The following FANCA variants were observed in gnomAD, a reference collection of about 807,000 sequenced individuals.
FANCA encodes Fanconi anemia group A protein.
A neutral mutation model predicts 194.3 loss-of-function variants in FANCA; 236 were observed. The ratio of observed to expected loss-of-function variants is 1.21; its 90% CI spans 1.09 to 1.35. FANCA has a LOEUF of 1.35. Ranked by LOEUF, FANCA falls within the 40% of genes most tolerant of loss-of-function variation. The pLI is 0.00. For synonymous variants in FANCA, 1,014 were observed against 715.8 expected (o/e 1.42, Z -6.65); for missense variants, 2,628 against 1,813.9 (o/e 1.45, Z -8.15).
chr16:89,747,087 C>T (rs1407331839), intron 33 of FANCA, among the ~76,000 whole-genome samples, 197 bp from the exon 34 acceptor site: 3 of 152,174 alleles, frequency 2.0e-5, no homozygotes, highest in Non-Finnish European at 2.9e-5. Context: ...CTTCCCTGGG[C>T]GGCCAGATCC....
At position 89,765,031 on chromosome 16, in the gene FANCA, G is replaced by A. The variant is rs149435806; in HGVS notation, c.2637C>T (p.Ala879=). 435 of 1,614,122 alleles carry A rather than the reference G, an allele frequency of 2.7e-4. No homozygotes were observed. Among genetic ancestry groups the A allele is most frequent in the Non-Finnish European group, 2.4e-4 (285 of 1,180,048 alleles). ...QFLMFRLFSE[A]RQPLSEEDVA... ...CGTCCTCCTCAGAAAGAGGCTGTCG[G>A]GCCTCTGAGAACAATCTGAACATGA... is the stretch of plus-strand genomic sequence containing the variant. The change falls in exon 28 of 43, where the codon GCC becomes GCT. Residue 879 remains alanine (A), a synonymous_variant. Coordinates refer to ENST00000389301, the MANE Select transcript of FANCA (RefSeq NM_000135.4).
At chr16:89,781,231 G>C (rs2039689098) in intron 17 of FANCA, among the ~76,000 whole-genome samples, 1 of 151,198 alleles carries the variant, frequency 6.6e-6, no homozygotes, top group Non-Finnish European at 1.5e-5. Flanking sequence ...TGACGTGGTG[G>C]CGGGTGCCTG....
rs1598055304 is a variant in FANCA, at chr16:89,740,020, A to G, written c.3908T>C (p.Leu1303Pro). The G allele has an allele frequency of 1.9e-6, 3 of 1,614,182 alleles. No homozygotes were observed. The highest frequency in any genetic ancestry group is 2.5e-6 in the Non-Finnish European group (3 of 1,180,028). Reference sequence around the variant, plus strand: ...ACTCTCTGTCAACTGAAAGAGTGCCAGCCAGGATATCTTCCTCTTCTCTAA... The same window carrying G: ...ACTCTCTGTCAACTGAAAGAGTGCCGGCCAGGATATCTTCCTCTTCTCTAA... ...ECLEKRKISW[L>P]ALFQLTESDL... is the part of the protein sequence containing the mutation. Residue 1303 changes from leucine (L) to proline (P), a missense_variant, in exon 39 of 43, where the codon CTG becomes CCG. By Grantham distance (98) the Leu-to-Pro change is moderately conservative. Coordinates refer to ENST00000389301, the MANE Select transcript of FANCA (RefSeq NM_000135.4).
chr16:89,778,703 T>TC, intron 20 of FANCA, 98 bp downstream of exon 20: 1 of 962,672 alleles, frequency 1.0e-6, no homozygotes, highest in Non-Finnish European at 1.6e-6. Context: ...TAAAACACAA[T>TC]AGTGGTCTAA....
chr16:89,798,959 C>G, intron 10 of FANCA: 1 of 1,612,424 alleles, frequency 6.2e-7, no homozygotes, highest in Non-Finnish European at 8.5e-7. Context: ...ACCTTCCGAC[C>G]TCATCCTCAC....
intron 30 of FANCA, among the ~76,000 whole-genome samples, chr16:89,755,033 A>G (rs1379546579): frequency 2.7e-4 from 41 of 152,196 alleles, no homozygotes; most frequent in Admixed American, 2.6e-3. Flanking sequence ...GTGCATATGG[A>G]CATACAGACC....
chr16:89,788,692 C>A (rs62052711), intron 14 of FANCA, among the ~76,000 whole-genome samples: 8,978 of 152,046 alleles, frequency 0.059, 409 homozygotes, highest in East Asian at 0.21. Context: ...CCCAGTTACT[C>A]TGGAAGCGGA....
chr16:89,778,881 T>G, intron 19 of FANCA, 31 bp from the exon 20 acceptor site: 1 of 1,613,798 alleles, frequency 6.2e-7, no homozygotes, highest in South Asian at 1.1e-5. Context: ...TGTGAGAGAC[T>G]GACAAGGAAA....
chr16:89,791,580 C>T, intron 13 of FANCA, 44 bp from the exon 14 acceptor site: 3 of 1,611,922 alleles, frequency 1.9e-6, no homozygotes, highest in Non-Finnish European at 1.7e-6. Flanking sequence ...CAAGGGCAGC[C>T]AGCAGGAACA....
In FANCA at chr16:89,742,798, G is replaced by A. The variant is rs776827467; in HGVS notation, c.3765+2C>T. 2 of 1,613,278 alleles carry A rather than the reference G, an allele frequency of 1.2e-6. No homozygotes were observed. The highest frequency in any genetic ancestry group is 1.3e-5 in the African/African-American group (1 of 74,920). On this transcript the variant is annotated splice_donor_variant, in intron 37 of 42. Transcript: ENST00000389301. LOFTEE classifies it low-confidence loss of function (GC_TO_GT_DONOR). Reference sequence around the variant, plus strand: ...AATCAGTAAAAGAATTTCCTATCTTGCCTCCTCTCTCTCGCAGTCCAGCTT... The same window carrying A: ...AATCAGTAAAAGAATTTCCTATCTTACCTCCTCTCTCTCGCAGTCCAGCTT...
chr16:89,796,272 C>T (rs2040243152), intron 10 of FANCA, among the ~76,000 whole-genome samples: 1 of 152,050 alleles, frequency 6.6e-6, no homozygotes, highest in Admixed American at 6.6e-5. Flanking sequence ...TGGGGAAGGG[C>T]AGGCCGCGCC....
chr16:89,743,311 G>A (rs1276539971), intron 36 of FANCA, among the ~76,000 whole-genome samples: 1 of 152,230 alleles, frequency 6.6e-6, no homozygotes, highest in African/African-American at 2.4e-5. Flanking sequence ...CTACAACAGA[G>A]AACAAAGGAC....
intron 36 of FANCA, among the ~76,000 whole-genome samples, chr16:89,743,180 G>T (rs527773365): frequency 1.3e-5 from 2 of 152,210 alleles, no homozygotes; most frequent in Non-Finnish European, 2.9e-5. Context: ...TGAGCAGGCA[G>T]CTGGCCTGGT....
intron 14 of FANCA, among the ~76,000 whole-genome samples, chr16:89,789,315 AGCAGGCACCGCAGCCACGATGGCGAT>A (rs1312431194): frequency 3.0e-4 from 45 of 148,636 alleles, no homozygotes; most frequent in South Asian, 1.5e-3. Flanking sequence ...CTGGGGGGGG[AGCAGGCACCGCAGCCACGATGGCGAT>A]GCAGGCACCG....
rs17225991 is a variant in FANCA, at chr16:89,800,625, T to C, written c.793-987A>G. On this transcript the variant is annotated intron_variant, in intron 8 of 42. Coordinates refer to ENST00000389301, the MANE Select transcript of FANCA (RefSeq NM_000135.4). Reference sequence around the variant, plus strand: ...ATCCTGAGGAAAAAGAACAAAGCTATAGAATATAGAAATCACACTGCCTGA... The same window carrying C: ...ATCCTGAGGAAAAAGAACAAAGCTACAGAATATAGAAATCACACTGCCTGA... Among the ~76,000 whole-genome samples the C allele has an allele frequency of 2.5e-3, 382 of 152,206 alleles. 3 individuals carry two copies. The highest frequency in any genetic ancestry group is 8.9e-3 in the African/African-American group (368 of 41,530).
chr16:89,801,035 A>G (rs1431585650), intron 8 of FANCA, among the ~76,000 whole-genome samples: 1 of 149,168 alleles, frequency 6.7e-6, no homozygotes, highest in African/African-American at 2.5e-5. Flanking sequence ...TCCATCTCAA[A>G]AAAAAAAAAA....
At chr16:89,791,854 TCAG>T in intron 13 of FANCA, 70 bp downstream of exon 13, 1 of 1,592,116 alleles carries the variant, frequency 6.3e-7, no homozygotes, top group Admixed American at 1.7e-5. Flanking sequence ...TCACCCACAG[TCAG>T]CTGGGACTCT....
intron 27 of FANCA, among the ~76,000 whole-genome samples, chr16:89,765,781 C>G (rs746309182): frequency 6.6e-6 from 1 of 152,230 alleles, no homozygotes; most frequent in Non-Finnish European, 1.5e-5. Flanking sequence ...ACCACGCTGC[C>G]CTCTCCTAAG....
chr16:89,791,103 T>C (rs1021374740), intron 14 of FANCA: 7 of 370,536 alleles, frequency 1.9e-5, no homozygotes, highest in South Asian at 1.4e-4. Context: ...AATTTTCTTA[T>C]AAAAGACAGC....
Sources: allele counts gnomAD v4.1 joint callset (sites outside exome capture counted in the v4.1 genomes callset), GRCh38; gene constraint gnomAD v4.1.1; transcripts MANE v1.5; gene names NCBI Gene and HGNC (gene_info 2026-07-23, HGNC 2026-07-21).